CMTM8: variants seen among roughly 807,000 people sequenced by gnomAD.
CMTM8 encodes the protein CKLF like MARVEL transmembrane domain containing 8.
A neutral mutation model predicts 18.6 loss-of-function variants in CMTM8; 12 were observed. That is an observed-to-expected ratio of 0.65 (90% CI 0.41 to 1.05). CMTM8 has a LOEUF of 1.05. Ranked by LOEUF, CMTM8 falls within the 50% of genes least tolerant of loss-of-function variation. The pLI is 0.00. For missense variants in CMTM8, 217 were observed against 227.2 expected, an observed-to-expected ratio of 0.95 and a Z score of 0.29; for synonymous variants, 87 against 90.6, an observed-to-expected ratio of 0.96 and a Z score of 0.23.
At chr3:32,277,079 G>GT (rs1559367868) in intron 1 of CMTM8, among the ~76,000 whole-genome samples, 1 of 151,716 alleles carries the variant, frequency 6.6e-6, no homozygotes, top group African/African-American at 2.4e-5. Flanking sequence ...AGAGATTGGG[G>GT]TCTCACCATG....
chr3:32,247,367 C>T (rs953867905), intron 1 of CMTM8, among the ~76,000 whole-genome samples: 2 of 152,110 alleles, frequency 1.3e-5, no homozygotes, highest in African/African-American at 4.8e-5. Context: ...GGCTGGAGGG[C>T]GGTGGCACAA....
Position 32,239,108 on chromosome 3 carries a change from G to C in CMTM8, c.136G>C (p.Val46Leu). ...CCGCACCCTGCCCGGCTTCCTCATC[G>C]TGGCCGAGATCGTGAGTGCCGACGG... ...FLRTLPGFLIVAEIVLGLLVW... is the reference protein window; with the variant it reads ...FLRTLPGFLILAEIVLGLLVW... Residue 46 changes from valine (V) to leucine (L), a missense_variant, in exon 1 of 4, where the codon GTG becomes CTG. Coordinates refer to ENST00000307526, the MANE Select transcript of CMTM8 (RefSeq NM_178868.5). 1.3e-6 allele frequency: 2 copies of C among 1,599,536 alleles called. No individual in the cohort carries two copies. The highest frequency in any genetic ancestry group is 1.7e-6 in the Non-Finnish European group (2 of 1,173,782).
At chr3:32,274,858 A>G (rs1376822638) in intron 1 of CMTM8, among the ~76,000 whole-genome samples, 1 of 152,090 alleles carries the variant, frequency 6.6e-6, no homozygotes, top group Non-Finnish European at 1.5e-5. Flanking sequence ...TCTGCAAATT[A>G]TGTGTGTGTG....
chr3:32,283,152 G>C (rs1002341226), intron 1 of CMTM8, among the ~76,000 whole-genome samples: 11 of 152,104 alleles, frequency 7.2e-5, no homozygotes, highest in African/African-American at 2.4e-4. Context: ...TTTCATACAG[G>C]GGGAGGAAAT....
At chr3:32,243,487 C>T (rs1186254465) in intron 1 of CMTM8, among the ~76,000 whole-genome samples, 3 of 148,256 alleles carry the variant, frequency 2.0e-5, no homozygotes, top group Non-Finnish European at 3.0e-5. Context: ...GCTGGGATTG[C>T]GCCACTGCAT....
intron 1 of CMTM8, among the ~76,000 whole-genome samples, chr3:32,276,056 A>C (rs1434397299): frequency 6.6e-6 from 1 of 152,050 alleles, no homozygotes; most frequent in Admixed American, 6.6e-5. Flanking sequence ...TAAGAAGCTC[A>C]CTGGTCCCAG....
intron 1 of CMTM8, among the ~76,000 whole-genome samples, chr3:32,276,848 T>C (rs1404189892): frequency 6.6e-6 from 1 of 152,126 alleles, no homozygotes; most frequent in Non-Finnish European, 1.5e-5. Flanking sequence ...TCACCTGCTG[T>C]TTTCTTGCTT....
At chr3:32,367,538 G>A (rs922587348) in intron 2 of CMTM8, among the ~76,000 whole-genome samples, 8 of 152,202 alleles carry the variant, frequency 5.3e-5, no homozygotes, top group South Asian at 2.1e-4. Context: ...CCGAGTGGGC[G>A]CCACTGCTGC....
At chr3:32,330,600 A>G (rs1171628359) in intron 1 of CMTM8, among the ~76,000 whole-genome samples, 1 of 152,220 alleles carries the variant, frequency 6.6e-6, no homozygotes, top group Non-Finnish European at 1.5e-5. Flanking sequence ...AGAGCCCAGT[A>G]ATATACGCTC....
intron 1 of CMTM8, chr3:32,259,029 G>A: frequency 2.9e-6 from 1 of 350,176 alleles, no homozygotes; most frequent in Non-Finnish European, 5.5e-6. Flanking sequence ...CAGCCAGTCA[G>A]CAGTGCAGCA....
chr3:32,325,582 G>A (rs1696133748), intron 1 of CMTM8, among the ~76,000 whole-genome samples: 1 of 152,138 alleles, frequency 6.6e-6, no homozygotes, highest in African/African-American at 2.4e-5. Context: ...ACTCTCTCAG[G>A]GGTCTTAAGG....
intron 1 of CMTM8, chr3:32,259,362 C>T: frequency 1.3e-6 from 1 of 772,436 alleles, no homozygotes. Context: ...CAGGTCTTCT[C>T]AAATACTGTG....
intron 1 of CMTM8, among the ~76,000 whole-genome samples, chr3:32,330,421 A>G (rs867141651): frequency 3.9e-5 from 6 of 152,146 alleles, no homozygotes; most frequent in Non-Finnish European, 8.8e-5. Flanking sequence ...GTAGTGAACT[A>G]TAATCTCACC....
At chr3:32,363,832 A>G (rs1032309354) in intron 2 of CMTM8, among the ~76,000 whole-genome samples, 9 of 152,154 alleles carry the variant, frequency 5.9e-5, no homozygotes, top group African/African-American at 1.9e-4. Context: ...AGATTTCCAG[A>G]TAGTGCTGAT....
intron 1 of CMTM8, among the ~76,000 whole-genome samples, chr3:32,296,364 C>T (rs920518900): frequency 1.4e-4 from 21 of 152,286 alleles, no homozygotes; most frequent in African/African-American, 4.3e-4. Context: ...TTGTCTCTCC[C>T]ATCTGGTGGT....
chr3:32,251,133 A>G (rs1702105616), intron 1 of CMTM8, among the ~76,000 whole-genome samples: 1 of 152,052 alleles, frequency 6.6e-6, no homozygotes, highest in Non-Finnish European at 1.5e-5. Flanking sequence ...GGGGTGGGAG[A>G]TATTTGGAAT....
intron 1 of CMTM8, among the ~76,000 whole-genome samples, chr3:32,298,364 G>A (rs1040263520): frequency 8.6e-5 from 13 of 151,170 alleles, no homozygotes; most frequent in African/African-American, 3.2e-4. Flanking sequence ...GAGCCATCAC[G>A]TCCAGCCCCT....
At chr3:32,367,830 C>G in intron 2 of CMTM8, 42 bp from the exon 3 acceptor site, 78 of 1,355,828 alleles carry the variant, frequency 5.8e-5, no homozygotes, top group Middle Eastern at 2.3e-4. Context: ...GGTATGCAGA[C>G]CCTCCCCTCT....
Position 32,340,744 on chromosome 3 carries a change from A to G in CMTM8, c.148-16629A>G, listed in dbSNP as rs540724772. Among the ~76,000 whole-genome samples, 59 of 152,280 alleles carry G rather than the reference A, an allele frequency of 3.9e-4. 3 individuals carry two copies. In the South Asian group the frequency reaches 0.012, roughly 30 times the overall value. On this transcript the variant is annotated intron_variant, in intron 1 of 3. Transcript: ENST00000307526. Reference sequence around the variant, plus strand: ...TGTGTTCATTGACTATACAAAACAGACAGTGAGCCGCATGTGGCCCTGGGC... The same window carrying G: ...TGTGTTCATTGACTATACAAAACAGGCAGTGAGCCGCATGTGGCCCTGGGC...
Sources: gnomAD v4.1 joint callset for allele counts (sites outside exome capture counted in the v4.1 genomes callset) on GRCh38, gnomAD v4.1.1 for gene constraint, MANE v1.5 for transcripts, NCBI Gene and HGNC (gene_info 2026-07-23, HGNC 2026-07-21) for gene names.